Variants in DLEC1 observed in about 807,000 individuals in gnomAD.
The protein encoded by DLEC1 is deleted in lung and esophageal cancer protein 1.
A neutral mutation model predicts 198.1 loss-of-function variants in DLEC1; 146 were observed. The ratio of observed to expected loss-of-function variants is 0.74; its 90% CI spans 0.64 to 0.85. DLEC1 has a LOEUF of 0.85. Among genes scored for constraint, DLEC1 ranks in the 40% least tolerant of loss-of-function variants. The pLI is 0.00. For missense variants in DLEC1, 2,233 were observed against 2,220.0 expected (o/e 1.01, Z -0.12); for synonymous variants, 897 against 866.8 (o/e 1.03, Z -0.61).
chr3:38,121,017 C>T (rs1443642302), intron 34 of DLEC1, among the ~76,000 whole-genome samples: 1 of 150,070 alleles, frequency 6.7e-6, no homozygotes, highest in African/African-American at 2.5e-5. Context: ...AGGGCGAGCA[C>T]CATGGACCAG....
At chr3:38,064,963 A>G (rs9757622) in intron 6 of DLEC1, among the ~76,000 whole-genome samples, 62,639 of 151,930 alleles carry the variant, frequency 0.41, 13,432 homozygotes, top group East Asian at 0.6. Flanking sequence ...CTGCAAACTC[A>G]GCACTTTGGG....
Position 38,039,286 on chromosome 3 carries a change from G to A in DLEC1, c.61G>A (p.Gly21Arg), listed in dbSNP as rs776426487. Residue 21 changes from glycine to arginine, a missense_variant, in exon 1 of 37, where the codon GGG (glycine) becomes AGG (arginine). Gly to Arg is a moderately radical substitution (Grantham distance 125). Transcript: ENST00000308059. ...AGCGTCCCGGACCAACGAGTGCCAG[G>A]GGACAATGTGGGCGCCAACTTCGCC... ...SLASRTNECQ[G>R]TMWAPTSPPA... is the part of the protein sequence containing the mutation. 1.9e-6 allele frequency: 3 copies of A among 1,614,152 alleles called. No homozygotes were observed. Among genetic ancestry groups the A allele is most frequent in the Non-Finnish European group, 1.7e-6 (2 of 1,180,020 alleles).
rs1160594565 is a variant in DLEC1, at chr3:38,097,577, G to A, written c.2505G>A (p.Leu835=). Reference sequence around the variant, plus strand: ...TCCCTGGCCCCACAAGCCAGGACCTGCTGTGTGAAATCGAAGACTCGCCCT... The same window carrying A: ...TCCCTGGCCCCACAAGCCAGGACCTACTGTGTGAAATCGAAGACTCGCCCT... ...GGVPGPTSQD[L]LCEIEDSPSP... is the part of the protein sequence containing the mutation. Residue 835 remains leucine, a synonymous_variant, in exon 17 of 37, where the codon CTG becomes CTA. Coordinates refer to ENST00000308059, the MANE Select transcript of DLEC1 (RefSeq NM_007335.4). 1 of 1,614,200 alleles carries A rather than the reference G, an allele frequency of 6.2e-7. No homozygotes were observed. The highest frequency in any genetic ancestry group is 1.1e-5 in the South Asian group (1 of 91,082).
intron 6 of DLEC1, among the ~76,000 whole-genome samples, chr3:38,083,717 A>C (rs1011178361): frequency 6.6e-6 from 1 of 152,244 alleles, no homozygotes; most frequent in Non-Finnish European, 1.5e-5. Context: ...GCTTAGGCTC[A>C]GAGTTCTGAC....
intron 2 of DLEC1, among the ~76,000 whole-genome samples, chr3:38,058,276 A>G (rs1428832307): frequency 6.6e-6 from 1 of 152,172 alleles, no homozygotes; most frequent in African/African-American, 2.4e-5. Context: ...GATGGGATGA[A>G]GGGGAATGAG....
At chr3:38,096,334 C>T (rs1699015674) in intron 14 of DLEC1, among the ~76,000 whole-genome samples, 1 of 152,118 alleles carries the variant, frequency 6.6e-6, no homozygotes. Context: ...GCAGATGGTC[C>T]CTGGAGGCAG....
intron 19 of DLEC1, among the ~76,000 whole-genome samples, chr3:38,100,802 G>A (rs1368220609): frequency 1.3e-5 from 2 of 152,152 alleles, no homozygotes; most frequent in Non-Finnish European, 2.9e-5. Flanking sequence ...AGACTGGACT[G>A]TTCCTACAGG....
intron 18 of DLEC1, among the ~76,000 whole-genome samples, chr3:38,099,319 G>A (rs900155039): frequency 6.6e-6 from 1 of 152,144 alleles, no homozygotes; most frequent in East Asian, 1.9e-4. Context: ...GATGGGTAGC[G>A]GCATCACATC....
chr3:38,093,510 G>C, intron 11 of DLEC1, 95 bp from the exon 12 acceptor site: 1 of 1,457,568 alleles, frequency 6.9e-7, no homozygotes, highest in Non-Finnish European at 9.5e-7. Flanking sequence ...GTCAAGGCCA[G>C]CTGCATGTGG....
rs565212952 is a variant in DLEC1, at chr3:38,108,571, G to A, written c.3129+56G>A. Reference sequence around the variant, plus strand: ...CGGGAAGGCACCCTGCCAACCATACGCACCTGTGCCACCAGGGAGGCCCTA... The same window carrying A: ...CGGGAAGGCACCCTGCCAACCATACACACCTGTGCCACCAGGGAGGCCCTA... On this transcript the variant is annotated intron_variant, in intron 21 of 36. Transcript: ENST00000308059. 107 of 1,403,362 alleles carry A rather than the reference G, an allele frequency of 7.6e-5. No homozygotes were observed. The African/African-American group carries it at 1.5e-3, about 19-fold the overall frequency. 86.9% of individuals were successfully genotyped at this position (1,403,362 alleles called of 1,614,324 possible).
At chr3:38,048,119 A>T (rs1388008413) in intron 2 of DLEC1, among the ~76,000 whole-genome samples, 2 of 152,162 alleles carry the variant, frequency 1.3e-5, no homozygotes, top group East Asian at 3.9e-4. Context: ...AGCCTTTTCC[A>T]GTTGACTGCT....
chr3:38,107,580 C>A lies in DLEC1; in HGVS notation c.2865-4C>A, dbSNP rs1442281294. 1 of 1,596,594 alleles carries A rather than the reference C, an allele frequency of 6.3e-7. No homozygotes were observed. ...AGTATGCCTTTTGTTTCCTCGTGTT[C>A]CAGCTACCTTCCTGTGTATGCTGAG... On this transcript the variant is annotated splice_polypyrimidine_tract_variant and splice_region_variant and intron_variant, in intron 19 of 36. Coordinates refer to ENST00000308059, the MANE Select transcript of DLEC1 (RefSeq NM_007335.4).
intron 18 of DLEC1, 119 bp downstream of exon 18, chr3:38,098,021 T>C (rs1699124003): frequency 4.4e-6 from 6 of 1,350,698 alleles, no homozygotes; most frequent in African/African-American, 1.5e-5. Context: ...AGGAAAAGCC[T>C]GCCTGGTGAC....
At chr3:38,107,205 G>A (rs1436957722) in intron 19 of DLEC1, among the ~76,000 whole-genome samples, 1 of 152,184 alleles carries the variant, frequency 6.6e-6, no homozygotes, top group African/African-American at 2.4e-5. Flanking sequence ...TGTTTAGCCA[G>A]GGTGGGATGG....
At chr3:38,095,415 G>A (rs375638344) in intron 13 of DLEC1, 12 of 340,106 alleles carry the variant, frequency 3.5e-5, no homozygotes, top group Non-Finnish European at 6.7e-5. Context: ...GGACCCGAGG[G>A]CCAGGTTAGC....
rs957825369 is a variant in DLEC1 at position 38,122,884 on chromosome 3, C to T, written c.*472C>T. ...CACCCCACCCACTCCTATACCATGT[C>T]ATCAGTGTTCACATTTTCCAAATGA... On this transcript the variant is annotated 3_prime_UTR_variant, in exon 37 of 37. Coordinates refer to ENST00000308059, the MANE Select transcript of DLEC1 (RefSeq NM_007335.4). 8.3e-5 allele frequency: 66 copies of T among 793,696 alleles called. No individual in the cohort carries two copies. The African/African-American group carries it at 9.3e-4, about 11-fold the overall frequency. The allele number at this position is 793,696 out of a possible 1,614,324, so 49.2% of individuals were successfully genotyped here. A position where few individuals can be genotyped will look rare whatever the true frequency, so the allele number is the denominator to read the frequency against.
chr3:38,076,270 A>G (rs1214233162), intron 6 of DLEC1, among the ~76,000 whole-genome samples: 1 of 152,110 alleles, frequency 6.6e-6, no homozygotes, highest in African/African-American at 2.4e-5. Flanking sequence ...CGGTCTGAGG[A>G]CCTGAGGTCG....
intron 2 of DLEC1, among the ~76,000 whole-genome samples, chr3:38,057,799 A>G (rs2125602327): frequency 6.7e-6 from 1 of 149,774 alleles, no homozygotes; most frequent in Admixed American, 6.7e-5. Context: ...GGGTACTTGG[A>G]TACTCACTGT....
At chr3:38,052,500 C>T (rs146860315) in intron 2 of DLEC1, 28 of 192,910 alleles carry the variant, frequency 1.5e-4, no homozygotes, top group East Asian at 1.3e-3. Context: ...ACGTTTATTG[C>T]GAGAGAAGCC....
Sources: gnomAD v4.1 joint callset for allele counts (sites outside exome capture counted in the v4.1 genomes callset) on GRCh38, gnomAD v4.1.1 for gene constraint, MANE v1.5 for transcripts, NCBI Gene and HGNC (gene_info 2026-07-23, HGNC 2026-07-21) for gene names.